The following DPP6 variants were observed in gnomAD, a reference collection of about 807,000 sequenced individuals.
DPP6 encodes the protein A-type potassium channel modulatory protein DPP6.
In DPP6, 69 loss-of-function variants were observed where a neutral mutation model predicts 122.6. That is an observed-to-expected ratio of 0.56 (90% CI 0.46 to 0.69). DPP6 has a LOEUF of 0.69. Ranked by LOEUF, DPP6 falls within the 30% of genes least tolerant of loss-of-function variation. The pLI is 0.00. For synonymous variants in DPP6, 418 were observed against 433.1 expected (o/e 0.97, Z 0.43); for missense variants, 928 against 1,116.9 (o/e 0.83, Z 2.41).
intron 8 of DPP6, among the ~76,000 whole-genome samples, chr7:154,742,846 T>G (rs560770915): frequency 6.6e-6 from 1 of 152,254 alleles, no homozygotes; most frequent in Non-Finnish European, 1.5e-5. Flanking sequence ...GTAAGGGTAT[T>G]TGGGATCTCA....
intron 1 of DPP6, among the ~76,000 whole-genome samples, chr7:154,230,162 C>T (rs544147744): frequency 2.0e-5 from 3 of 152,164 alleles, no homozygotes; most frequent in South Asian, 2.1e-4. Flanking sequence ...CCCTCCTATC[C>T]TCTCCCCATC....
intron 1 of DPP6, among the ~76,000 whole-genome samples, chr7:153,902,605 C>T (rs1011590165): frequency 1.2e-4 from 18 of 151,996 alleles, no homozygotes; most frequent in Middle Eastern, 3.2e-3. Context: ...GAGGCTGAGG[C>T]GGGTGGATCA....
chr7:154,060,461 C>G (rs1395718728), intron 1 of DPP6, among the ~76,000 whole-genome samples: 1 of 141,154 alleles, frequency 7.1e-6, no homozygotes, highest in Admixed American at 6.8e-5. Context: ...CCCTCTTCCC[C>G]CTCTGGCTTA....
chr7:154,157,683 C>T (rs1390258100), intron 1 of DPP6, among the ~76,000 whole-genome samples: 1 of 152,062 alleles, frequency 6.6e-6, no homozygotes, highest in East Asian at 1.9e-4. Context: ...CCTGTAATCC[C>T]AGCACTTTGG....
chr7:153,822,831 T>C, the DPP6 span, among the ~76,000 whole-genome samples: 1 of 152,242 alleles, frequency 6.6e-6, no homozygotes, highest in East Asian at 1.9e-4. Flanking sequence ...TAGTGTTCCT[T>C]TATGGATTGC....
At position 154,328,271 on chromosome 7, in the gene DPP6, C is replaced by T. The variant is rs569676197; in HGVS notation, c.244-117943C>T. Reference sequence around the variant, plus strand: ...ATGGCCTCCTAGAGAAATAGTCCAGCGCTGGAGGCACAGAGAGGGGAGGAC... The same window carrying T: ...ATGGCCTCCTAGAGAAATAGTCCAGTGCTGGAGGCACAGAGAGGGGAGGAC... On this transcript the variant is annotated intron_variant, in intron 1 of 25. Transcript: ENST00000377770. 4.6e-5 allele frequency among the ~76,000 whole-genome samples: 7 copies of T among 152,248 alleles called. No individual in the cohort carries two copies. In the South Asian group the frequency reaches 8.3e-4, roughly 18 times the overall value.
intron 2 of DPP6, among the ~76,000 whole-genome samples, chr7:154,463,317 C>T (rs1821479204): frequency 6.7e-6 from 1 of 149,128 alleles, no homozygotes. Flanking sequence ...ACGCCATTCT[C>T]CTGCCTCAGC....
At chr7:154,256,986 T>TTTC (rs774129790) in intron 1 of DPP6, among the ~76,000 whole-genome samples, 3 of 141,800 alleles carry the variant, frequency 2.1e-5, no homozygotes, top group Admixed American at 7.1e-5. Flanking sequence ...TCTTTTTCTT[T>TTTC]TTCTTCTTCT....
chr7:153,856,407 C>T, the DPP6 span, among the ~76,000 whole-genome samples: 1 of 152,150 alleles, frequency 6.6e-6, no homozygotes, highest in Non-Finnish European at 1.5e-5. Context: ...TCAGTTTTTC[C>T]ATGACATTTA....
rs1820592918 is a variant in DPP6, at chr7:154,453,766, T to C, written c.358+7438T>C. On this transcript the variant is annotated intron_variant, in intron 2 of 25. Transcript: ENST00000377770. ...AGTAGTATTATGAGTTTTTATATTC[T>C]TTGCATTTATGGCATAAATGTAATC... is the stretch of plus-strand genomic sequence containing the variant. Among the ~76,000 whole-genome samples, 3 of 152,126 alleles carry C rather than the reference T, an allele frequency of 2.0e-5. No homozygotes were observed. In the South Asian group the frequency reaches 6.2e-4, roughly 32 times the overall value.
At chr7:154,384,522 A>G (rs1435148583) in intron 1 of DPP6, among the ~76,000 whole-genome samples, 2 of 152,148 alleles carry the variant, frequency 1.3e-5, no homozygotes, top group African/African-American at 4.8e-5. Context: ...ATGAGGCACT[A>G]AGACCAGCTC....
At chr7:154,327,465 A>G (rs1051395908) in intron 1 of DPP6, among the ~76,000 whole-genome samples, 2 of 152,210 alleles carry the variant, frequency 1.3e-5, no homozygotes, top group Admixed American at 1.3e-4. Context: ...GAGTGAAGAT[A>G]AAGGTAAAAT....
At chr7:154,075,922 C>G (rs1803517375) in intron 1 of DPP6, among the ~76,000 whole-genome samples, 1 of 151,646 alleles carries the variant, frequency 6.6e-6, no homozygotes, top group South Asian at 2.1e-4. Flanking sequence ...ATGCTCCTTT[C>G]CTAATTTAAA....
chr7:154,059,130 G>C (rs1265398047), intron 1 of DPP6: 5 of 141,508 alleles, frequency 3.5e-5, no homozygotes, highest in Non-Finnish European at 7.6e-5. Context: ...CCCCCCACGA[G>C]GGTGGGGACT....
At chr7:154,502,452 G>C (rs1279241735) in intron 3 of DPP6, among the ~76,000 whole-genome samples, 1 of 152,138 alleles carries the variant, frequency 6.6e-6, no homozygotes, top group Non-Finnish European at 1.5e-5. Context: ...GATGAATTAT[G>C]GGGGTGGGTC....
At chr7:154,060,263 C>G (rs564163791) in intron 1 of DPP6, among the ~76,000 whole-genome samples, 4 of 135,130 alleles carry the variant, frequency 3.0e-5, no homozygotes, top group South Asian at 4.6e-4. Flanking sequence ...GGAGGCACCC[C>G]CCGCGAGGCA....
chr7:154,300,239 A>G (rs1324635048), intron 1 of DPP6, among the ~76,000 whole-genome samples: 1 of 152,188 alleles, frequency 6.6e-6, no homozygotes, highest in East Asian at 1.9e-4. Flanking sequence ...CCCAGTGACT[A>G]CAGAGAAGAC....
At chr7:154,583,606 C>T (rs1339887372) in intron 5 of DPP6, among the ~76,000 whole-genome samples, 1 of 152,170 alleles carries the variant, frequency 6.6e-6, no homozygotes, top group Non-Finnish European at 1.5e-5. Flanking sequence ...CAGAAGCCTC[C>T]CCAGGAAGCC....
chr7:153,873,239 A>G, the DPP6 span, among the ~76,000 whole-genome samples: 4 of 152,306 alleles, frequency 2.6e-5, no homozygotes, highest in South Asian at 2.1e-4. Context: ...GAGGGCATCA[A>G]TCTTTTCACC....
Sources: allele counts gnomAD v4.1 joint callset (sites outside exome capture counted in the v4.1 genomes callset), GRCh38; gene constraint gnomAD v4.1.1; transcripts MANE v1.5; gene names NCBI Gene and HGNC (gene_info 2026-07-23, HGNC 2026-07-21).